Variants in UTRN observed in about 807,000 individuals in gnomAD.
The protein encoded by UTRN is dystrophin-related protein 1.
In UTRN, 283 loss-of-function variants were observed where a neutral mutation model predicts 463.9. The ratio of observed to expected loss-of-function variants is 0.61; its 90% CI spans 0.55 to 0.67. The LOEUF is 0.67. UTRN is among the 30% of genes least tolerant of loss of function. UTRN has a pLI of 0.00. For synonymous variants in UTRN, 1,442 were observed against 1,431.5 expected, an observed-to-expected ratio of 1.01 and a Z score of -0.17; for missense variants, 3,922 against 4,084.3, an observed-to-expected ratio of 0.96 and a Z score of 1.08.
intron 37 of UTRN, among the ~76,000 whole-genome samples, chr6:144,515,906 A>G (rs542318995): frequency 4.5e-4 from 68 of 152,280 alleles, no homozygotes; most frequent in Non-Finnish European, 8.2e-4. Context: ...GGCCATGGTA[A>G]GGATAGTTTC....
At chr6:144,544,570 T>C (rs1798238305) in intron 46 of UTRN, among the ~76,000 whole-genome samples, 1 of 152,128 alleles carries the variant, frequency 6.6e-6, no homozygotes, top group Non-Finnish European at 1.5e-5. Flanking sequence ...CCTTGCCGAC[T>C]GTACTCATTT....
chr6:144,526,704 T>A (rs1796598402), intron 41 of UTRN, among the ~76,000 whole-genome samples: 1 of 150,888 alleles, frequency 6.6e-6, no homozygotes, highest in African/African-American at 2.4e-5. Context: ...AGATATGAGG[T>A]ACTATTCTAT....
At chr6:144,583,458 T>C (rs148900963) in intron 51 of UTRN, 173 of 696,074 alleles carry the variant, frequency 2.5e-4, no homozygotes, top group Non-Finnish European at 8.0e-6. Context: ...TCATTTATAA[T>C]GCAAATTCTG....
At chr6:144,672,009 C>T (rs147983883) in intron 51 of UTRN, among the ~76,000 whole-genome samples, 5 of 152,082 alleles carry the variant, frequency 3.3e-5, no homozygotes, top group East Asian at 1.9e-4. Context: ...GTATGAAACC[C>T]GTTTGATCAT....
chr6:144,709,716 C>G (rs1399703178), intron 53 of UTRN, among the ~76,000 whole-genome samples: 1 of 152,112 alleles, frequency 6.6e-6, no homozygotes, highest in Non-Finnish European at 1.5e-5. Flanking sequence ...TGTGAAGAGA[C>G]AAAGAACTTA....
chr6:144,808,361 A>G (rs1366072720), intron 65 of UTRN, among the ~76,000 whole-genome samples: 1 of 152,084 alleles, frequency 6.6e-6, no homozygotes, highest in Non-Finnish European at 1.5e-5. Flanking sequence ...ATCTTATATT[A>G]AAGATGTTCA....
At chr6:144,708,904 A>G (rs1785367364) in intron 53 of UTRN, among the ~76,000 whole-genome samples, 1 of 152,170 alleles carries the variant, frequency 6.6e-6, no homozygotes, top group African/African-American at 2.4e-5. Flanking sequence ...GTGTCATCCA[A>G]TGGTGGAAAG....
rs185542779 is a variant in UTRN, at chr6:144,343,417, G to A, written c.79+51510G>A. 3.4e-3 allele frequency among the ~76,000 whole-genome samples: 482 copies of A among 142,746 alleles called. 5 individuals are homozygous for A. The highest frequency in any genetic ancestry group is 0.012 in the African/African-American group (408 of 34,554). The allele number at this position is 142,746 out of a possible 152,430, so 93.6% of individuals were successfully genotyped here. ...ACACACACACACACACACAATAGCC[G>A]GGCATGGTGGTGGGCACCTGTAATC... On this transcript the variant is annotated intron_variant, in intron 2 of 74. Coordinates refer to ENST00000367545, the MANE Select transcript of UTRN (RefSeq NM_007124.3).
chr6:144,424,539 T>G (rs575003499), intron 6 of UTRN, among the ~76,000 whole-genome samples: 10 of 152,324 alleles, frequency 6.6e-5, no homozygotes, highest in Admixed American at 6.5e-4. Context: ...GGGTTAGGAC[T>G]TCAACATATT....
intron 8 of UTRN, among the ~76,000 whole-genome samples, chr6:144,429,335 T>C (rs1202973971): frequency 1.3e-5 from 2 of 152,184 alleles, no homozygotes; most frequent in Non-Finnish European, 2.9e-5. Context: ...ATATGGTAGC[T>C]TATCTTTGAC....
chr6:144,430,523 G>C (rs1280176178), intron 9 of UTRN, among the ~76,000 whole-genome samples: 3 of 152,130 alleles, frequency 2.0e-5, no homozygotes, highest in African/African-American at 7.2e-5. Context: ...CAGAGAGAAA[G>C]AAAGCTTCTC....
intron 7 of UTRN, among the ~76,000 whole-genome samples, chr6:144,427,069 A>G (rs1785361285): frequency 6.6e-6 from 1 of 152,226 alleles, no homozygotes. Context: ...TTGCTATATA[A>G]GAATGGTGTT....
intron 46 of UTRN, among the ~76,000 whole-genome samples, chr6:144,544,544 T>C (rs1798235190): frequency 1.3e-5 from 2 of 152,062 alleles, no homozygotes; most frequent in South Asian, 4.2e-4. Context: ...GTTTTTGAGG[T>C]TCATCCTTGC....
chr6:144,819,089 C>A (rs535680938), intron 65 of UTRN, among the ~76,000 whole-genome samples: 1 of 152,086 alleles, frequency 6.6e-6, no homozygotes, highest in African/African-American at 2.4e-5. Flanking sequence ...AGTTAATATT[C>A]AGTTATTCAG....
intron 51 of UTRN, among the ~76,000 whole-genome samples, chr6:144,630,068 G>T (rs377085177): frequency 2.0e-5 from 3 of 152,134 alleles, no homozygotes; most frequent in East Asian, 3.9e-4. Flanking sequence ...GGTGCCTGTA[G>T]TCCCAGCTAC....
chr6:144,460,509 G>A (rs1256639751), intron 21 of UTRN, among the ~76,000 whole-genome samples: 3 of 152,226 alleles, frequency 2.0e-5, no homozygotes, highest in African/African-American at 7.2e-5. Flanking sequence ...CTTGAATTCA[G>A]TTATGTGAAA....
At chr6:144,427,178 T>C (rs1002675119) in intron 7 of UTRN, among the ~76,000 whole-genome samples, 1 of 152,194 alleles carries the variant, frequency 6.6e-6, no homozygotes, top group Non-Finnish European at 1.5e-5. Flanking sequence ...GATTAATAGA[T>C]GATTTGGACA....
intron 2 of UTRN, among the ~76,000 whole-genome samples, chr6:144,350,093 A>G (rs1777981036): frequency 6.6e-6 from 1 of 152,200 alleles, no homozygotes. Flanking sequence ...GCTGCAGAGT[A>G]TTGAAACTTA....
At chr6:144,412,039 C>G (rs1238079677) in intron 3 of UTRN, among the ~76,000 whole-genome samples, 1 of 152,166 alleles carries the variant, frequency 6.6e-6, no homozygotes, top group Non-Finnish European at 1.5e-5. Context: ...GAAAGCAATG[C>G]TGTGTTTGTT....
Sources: gnomAD v4.1 joint callset for allele counts (sites outside exome capture counted in the v4.1 genomes callset) on GRCh38, gnomAD v4.1.1 for gene constraint, MANE v1.5 for transcripts, NCBI Gene and HGNC (gene_info 2026-07-23, HGNC 2026-07-21) for gene names.